Variants in ACOXL observed in about 807,000 individuals in gnomAD.
ACOXL encodes acyl-CoA oxidase like, also known as acyl-coenzyme A oxidase-like protein.
ACOXL carries 70 observed loss-of-function variants against 71.9 expected under a neutral mutation model. The ratio of observed to expected loss-of-function variants is 0.97; its 90% confidence interval spans 0.80 to 1.19. The LOEUF (loss-of-function observed/expected upper bound fraction) is 1.19, where lower values mean the gene tolerates loss of function less well. Ranked by LOEUF, ACOXL falls within the 50% of genes most tolerant of loss-of-function variation. ACOXL has a pLI of 0.00. For synonymous variants in ACOXL, 253 were observed against 281.6 expected, an observed-to-expected ratio of 0.90 and a Z score of 1.02; for missense variants, 703 against 736.3, an observed-to-expected ratio of 0.95 and a Z score of 0.52.
intron 10 of ACOXL, among the ~76,000 whole-genome samples, chr2:110,889,713 C>T (rs1306461705): frequency 1.3e-5 from 2 of 152,102 alleles, no homozygotes; most frequent in African/African-American, 4.8e-5. Context: ...CTTTGTATAC[C>T]TATACCACAT....
chr2:111,092,958 A>T lies in ACOXL; in HGVS notation c.1534A>T (p.Arg512Trp), dbSNP rs1483507090. 1 of 1,613,780 alleles carries T rather than the reference A, an allele frequency of 6.2e-7. No individual in the cohort carries two copies. The highest frequency in any genetic ancestry group is 8.5e-7 in the Non-Finnish European group (1 of 1,179,870). Reference protein sequence around the residue: ...YLTPMASTRIRNQLLDLCDSV... With the variant: ...YLTPMASTRIWNQLLDLCDSV... ...GACTCCCATGGCCAGCACGAGGATC[A>T]GGAATCAGGTAAGGTCCCTGGGGTA... The change falls in exon 17 of 18, where the codon AGG becomes TGG. Residue 512 changes from arginine (R) to tryptophan (W), a missense_variant. Physicochemically the swap from Arg to Trp is moderately radical, Grantham distance 101. Transcript: ENST00000439055.
intron 10 of ACOXL, among the ~76,000 whole-genome samples, chr2:110,886,381 T>C (rs933567973): frequency 1.4e-4 from 9 of 64,504 alleles, no homozygotes; most frequent in South Asian, 4.1e-4. Context: ...CTTCTTTTTC[T>C]TTTTTTTTTT....
intron 10 of ACOXL, among the ~76,000 whole-genome samples, chr2:110,885,595 T>G (rs1697180592): frequency 1.3e-5 from 2 of 152,222 alleles, no homozygotes; most frequent in Admixed American, 6.5e-5. Flanking sequence ...CTTTATGCAT[T>G]TTTTGCAAAT....
intron 2 of ACOXL, among the ~76,000 whole-genome samples, chr2:110,778,993 T>G (rs1424568272): frequency 2.0e-5 from 3 of 152,178 alleles, no homozygotes; most frequent in African/African-American, 7.2e-5. Context: ...ATTACACTAA[T>G]AATCAGAAAC....
At chr2:110,811,727 GCATACACACACACACACACACACA>G (rs1398829057) in intron 9 of ACOXL, among the ~76,000 whole-genome samples, 2 of 29,296 alleles carry the variant, frequency 6.8e-5, no homozygotes, top group African/African-American at 9.6e-5. Context: ...TGTTTTTTTT[GCATACACACACACACACACACACA>G]CACACACACA....
chr2:110,763,430 G>A (rs1233003100), intron 1 of ACOXL, among the ~76,000 whole-genome samples: 1 of 152,162 alleles, frequency 6.6e-6, no homozygotes, highest in Non-Finnish European at 1.5e-5. Context: ...ACAATAAAAT[G>A]GAGAAAAGAT....
At chr2:110,870,197 C>T (rs1695103968) in intron 10 of ACOXL, among the ~76,000 whole-genome samples, 1 of 152,238 alleles carries the variant, frequency 6.6e-6, no homozygotes, top group Non-Finnish European at 1.5e-5. Flanking sequence ...GTTCAGCAGC[C>T]ACTCAGGCCA....
intron 1 of ACOXL, among the ~76,000 whole-genome samples, chr2:110,768,073 A>G (rs1406706321): frequency 1.3e-5 from 2 of 152,170 alleles, no homozygotes; most frequent in Non-Finnish European, 2.9e-5. Flanking sequence ...CGGAGGTTGC[A>G]GTGAGCCGAG....
chr2:110,953,446 A>C (rs993960343), intron 12 of ACOXL, among the ~76,000 whole-genome samples: 2 of 151,962 alleles, frequency 1.3e-5, no homozygotes, highest in Admixed American at 6.6e-5. Context: ...GTCAGTTTCC[A>C]TGTATGCCTC....
At chr2:110,938,300 A>G (rs2060739668) in intron 12 of ACOXL, among the ~76,000 whole-genome samples, 2 of 152,144 alleles carry the variant, frequency 1.3e-5, no homozygotes, top group South Asian at 4.1e-4. Context: ...GAGGAAAGGA[A>G]TAAAGGGAAA....
At chr2:110,923,208 T>G (rs960097745) in intron 11 of ACOXL, among the ~76,000 whole-genome samples, 1 of 152,246 alleles carries the variant, frequency 6.6e-6, no homozygotes, top group African/African-American at 2.4e-5. Context: ...CCTAGTTTAC[T>G]GTCCCTGCTA....
chr2:111,042,481 G>A (rs1273505388), intron 15 of ACOXL, among the ~76,000 whole-genome samples: 2 of 152,226 alleles, frequency 1.3e-5, no homozygotes, highest in Admixed American at 6.5e-5. Flanking sequence ...ATAGGTTCCC[G>A]AAGGTGGGGA....
In ACOXL at chr2:111,080,696, A is replaced by T. The variant is rs371658874; in HGVS notation, c.1441-12169A>T. On this transcript the variant is annotated intron_variant, in intron 16 of 17. Transcript: ENST00000439055. ...GAGGCCAGCATCATCCTGATACCAA[A>T]ACCTGGCAGAGACACAACAACAACA... 3.3e-5 allele frequency among the ~76,000 whole-genome samples: 5 copies of T among 152,292 alleles called. No individual in the cohort carries two copies. The South Asian group carries it at 1.0e-3, about 32-fold the overall frequency.
intron 16 of ACOXL, among the ~76,000 whole-genome samples, chr2:111,062,351 C>T (rs2149887478): frequency 6.6e-6 from 1 of 152,072 alleles, no homozygotes; most frequent in African/African-American, 2.4e-5. Context: ...AAAGGAGAAA[C>T]AGACAAGTCT....
chr2:111,093,065 C>A, intron 17 of ACOXL, 99 bp downstream of exon 17: 1 of 968,486 alleles, frequency 1.0e-6, no homozygotes, highest in South Asian at 1.6e-5. Context: ...AGTTTCCACT[C>A]ATGGATTTTT....
chr2:111,007,963 G>A (rs1029905783), intron 14 of ACOXL, among the ~76,000 whole-genome samples: 14 of 152,058 alleles, frequency 9.2e-5, no homozygotes, highest in African/African-American at 2.7e-4. Flanking sequence ...ATTGTCTATT[G>A]TATGTTTACA....
At chr2:110,978,501 G>A (rs2062558451) in intron 12 of ACOXL, among the ~76,000 whole-genome samples, 1 of 152,176 alleles carries the variant, frequency 6.6e-6, no homozygotes, top group South Asian at 2.1e-4. Flanking sequence ...GCCCTCAGAG[G>A]TGTGGGTATA....
intron 16 of ACOXL, among the ~76,000 whole-genome samples, chr2:111,088,901 G>A (rs573310590): frequency 1.3e-5 from 2 of 152,092 alleles, no homozygotes; most frequent in African/African-American, 4.8e-5. Flanking sequence ...ATAGAAAAGG[G>A]ACCATCACTA....
At chr2:110,878,405 G>A (rs1281692824) in intron 10 of ACOXL, among the ~76,000 whole-genome samples, 1 of 152,172 alleles carries the variant, frequency 6.6e-6, no homozygotes, top group African/African-American at 2.4e-5. Flanking sequence ...ATATTCAAGA[G>A]GAGTTAGGAA....
Sources: allele counts gnomAD v4.1 joint callset (sites outside exome capture counted in the v4.1 genomes callset), GRCh38; gene constraint gnomAD v4.1.1; transcripts MANE v1.5; gene names NCBI Gene and HGNC (gene_info 2026-07-23, HGNC 2026-07-21).